The following FHL1 variants were observed in gnomAD, a reference collection of about 807,000 sequenced individuals.
FHL1 encodes the protein four and a half LIM domains protein 1.
A neutral mutation model predicts 20.3 loss-of-function variants in FHL1; 1 was observed. The observed-to-expected ratio is 0.05, with a 90% CI of 0.02 to 0.23. The LOEUF (loss-of-function observed/expected upper bound fraction) is 0.23. Ranked by LOEUF, FHL1 falls within the 10% of genes least tolerant of loss-of-function variation. The pLI is 1.00. For missense variants in FHL1, 177 were observed against 234.0 expected, an observed-to-expected ratio of 0.76 and a Z score of 1.59; for synonymous variants, 82 against 88.9, an observed-to-expected ratio of 0.92 and a Z score of 0.44.
chrX:136,147,176 C>T (rs1176822152), upstream of FHL1, among the ~76,000 whole-genome samples: 1 of 110,281 alleles, frequency 9.1e-6, no homozygotes, highest in Non-Finnish European at 1.9e-5. Flanking sequence ...CCGCCCTCCT[C>T]CCGGTCTTCG....
chrX:136,186,879 T>G (rs5930897), intron 2 of FHL1, among the ~76,000 whole-genome samples: 1,573 of 67,365 alleles, frequency 0.023, 53 homozygotes, highest in African/African-American at 0.081. Flanking sequence ...TATATATATA[T>G]ATAGATAGAT....
chrX:136,178,097 G>A lies in FHL1; in HGVS notation c.-27+8117G>A, dbSNP rs778163049. 2.7e-5 allele frequency among the ~76,000 whole-genome samples: 3 copies of A among 111,875 alleles called. No individual in the cohort carries two copies. In the Admixed American group the frequency reaches 2.8e-4, roughly 11 times the overall value. ...CTTTTATGGAAATCACAATGTTAAG[G>A]CCTGAAGTCCTTAATAATGCTTGAG... On this transcript the variant is annotated intron_variant, in intron 2 of 6. Transcript: ENST00000394153.
intron 3 of FHL1, chrX:136,207,411 G>C (rs1386311352): frequency 9.1e-6 from 4 of 439,630 alleles, no homozygotes; most frequent in Non-Finnish European, 1.6e-5. Context: ...ACAGCCTGTG[G>C]CAACAGAATG....
chrX:136,162,464 G>GGT (rs1031402848), intron 1 of FHL1, among the ~76,000 whole-genome samples: 26 of 112,121 alleles, frequency 2.3e-4, no homozygotes, highest in Non-Finnish European at 3.9e-4. Context: ...TGGGCAACAT[G>GGT]GTGAGACTCT....
Position 136,210,768 on chromosome X carries a change from T to C in FHL1, c.*743T>C, listed in dbSNP as rs181924843. On this transcript the variant is annotated 3_prime_UTR_variant, in exon 6 of 6. Transcript: ENST00000370683. ...GGAACATCGTCACAACGAATACTTC[T>C]GGAAGCTTAACAAAACTAACCCTGC... 296 of 386,546 alleles carry C rather than the reference T, an allele frequency of 7.7e-4. 1 individual carries two copies. In the East Asian group the frequency reaches 0.016, roughly 21 times the overall value. 31.9% of individuals were successfully genotyped at this position (386,546 alleles called of 1,213,427 possible). A position where few individuals can be genotyped will look rare whatever the true frequency, so the allele number is the denominator to read the frequency against.
intron 2 of FHL1, among the ~76,000 whole-genome samples, chrX:136,188,763 T>C (rs2073367367): frequency 9.0e-6 from 1 of 110,851 alleles, no homozygotes; most frequent in Admixed American, 9.6e-5. Flanking sequence ...AACGTGTTTT[T>C]GGTCAAGAGT....
At chrX:136,175,068 A>G (rs1305870633) in intron 2 of FHL1, among the ~76,000 whole-genome samples, 1 of 112,414 alleles carries the variant, frequency 8.9e-6, no homozygotes, top group African/African-American at 3.2e-5. Context: ...CATAATTTCT[A>G]TATCATGCAC....
At chrX:136,199,397 C>T (rs994801776) in intron 1 of FHL1, among the ~76,000 whole-genome samples, 9 of 111,456 alleles carry the variant, frequency 8.1e-5, no homozygotes, top group African/African-American at 2.6e-4. Context: ...ATTCTGTACA[C>T]GTTCTATTTT....
intron 2 of FHL1, among the ~76,000 whole-genome samples, chrX:136,173,497 C>T (rs1325434205): frequency 4.5e-5 from 5 of 111,854 alleles, no homozygotes; most frequent in Non-Finnish European, 7.5e-5. Flanking sequence ...GCCAAGGTCT[C>T]AAACTGATGG....
upstream of FHL1, chrX:136,146,990 G>GC (rs1345537399): frequency 1.3e-5 from 4 of 317,994 alleles, no homozygotes; most frequent in Non-Finnish European, 2.4e-5. Flanking sequence ...CCGAAGCGGG[G>GC]CCGCTTTTCA....
At chrX:136,200,377 G>A (rs2073677360) in intron 1 of FHL1, among the ~76,000 whole-genome samples, 1 of 111,959 alleles carries the variant, frequency 8.9e-6, no homozygotes, top group Admixed American at 9.5e-5. Flanking sequence ...TTTAAAATCA[G>A]GAAATAGTAT....
chrX:136,183,435 C>T (rs1348846831), intron 2 of FHL1, among the ~76,000 whole-genome samples: 1 of 111,300 alleles, frequency 9.0e-6, no homozygotes, highest in African/African-American at 3.3e-5. Flanking sequence ...CTGACTTGTC[C>T]TGTGATTGTT....
At chrX:136,183,609 T>G (rs1008614686) in intron 2 of FHL1, among the ~76,000 whole-genome samples, 1 of 112,402 alleles carries the variant, frequency 8.9e-6, no homozygotes, top group African/African-American at 3.2e-5. Flanking sequence ...GAAAAAAGTT[T>G]TCGTGTATGA....
intron 1 of FHL1, among the ~76,000 whole-genome samples, chrX:136,160,452 T>C (rs1245556942): frequency 2.7e-5 from 3 of 111,766 alleles, no homozygotes; most frequent in Non-Finnish European, 3.8e-5. Flanking sequence ...TTTTTGAAAC[T>C]GTGTCTTGCT....
chrX:136,194,081 CA>C (rs1439516383), upstream of FHL1, among the ~76,000 whole-genome samples: 2 of 111,073 alleles, frequency 1.8e-5, no homozygotes, highest in African/African-American at 6.6e-5. Flanking sequence ...AATCATTCTT[CA>C]GGGACCAGGT....
intron 1 of FHL1, among the ~76,000 whole-genome samples, chrX:136,161,987 G>T (rs2072579649): frequency 9.1e-6 from 1 of 109,836 alleles, no homozygotes; most frequent in Admixed American, 9.7e-5. Flanking sequence ...GCTGGGTGTG[G>T]TGGCATCTGC....
chrX:136,187,498 A>G (rs1034394351), intron 2 of FHL1, among the ~76,000 whole-genome samples: 1 of 112,519 alleles, frequency 8.9e-6, no homozygotes, highest in Non-Finnish European at 1.9e-5. Context: ...GATGCATGCT[A>G]TAGCATGAAT....
At chrX:136,153,327 T>C (rs769766660) in intron 1 of FHL1, among the ~76,000 whole-genome samples, 7 of 110,209 alleles carry the variant, frequency 6.4e-5, no homozygotes, top group South Asian at 4.0e-4. Context: ...TTTCATTTGC[T>C]TCAATTGGAA....
chrX:136,208,002 G>A, intron 4 of FHL1, 41 bp downstream of exon 4: 1 of 1,197,019 alleles, frequency 8.4e-7, no homozygotes. Context: ...GTTGTTTCTA[G>A]AAGTGTTTGA....
Sources: allele counts gnomAD v4.1 joint callset (sites outside exome capture counted in the v4.1 genomes callset), GRCh38; gene constraint gnomAD v4.1.1; transcripts MANE v1.5; gene names NCBI Gene and HGNC (gene_info 2026-07-23, HGNC 2026-07-21).